RBFOX3: variants seen among roughly 807,000 people sequenced by gnomAD.
RBFOX3 encodes RNA binding fox-1 homolog 3, also known as RNA binding protein fox-1 homolog 3.
A neutral mutation model predicts 48.7 loss-of-function variants in RBFOX3; 17 were observed. The ratio of observed to expected loss-of-function variants is 0.35; its 90% CI spans 0.24 to 0.52. The LOEUF (loss-of-function observed/expected upper bound fraction) is 0.52, where lower values mean the gene tolerates loss of function less well. Ranked by LOEUF, RBFOX3 falls within the 20% of genes least tolerant of loss-of-function variation. The pLI is 0.94. For synonymous variants in RBFOX3, 212 were observed against 209.5 expected (o/e 1.01, Z -0.10); for missense variants, 382 against 497.5 (o/e 0.77, Z 2.21).
rs113213078 is a variant in RBFOX3, at chr17:79,216,996, G to A, written c.-34+18770C>T. Among the ~76,000 whole-genome samples the A allele has an allele frequency of 9.4e-3, 1,434 of 152,244 alleles. 10 individuals are homozygous for A. Among genetic ancestry groups the A allele is most frequent in the South Asian group, 0.024 (117 of 4,824 alleles). ...GGGGGTATCCCCAGGTGAAACATCC[G>A]AAGGCAGAGATACCCCCAAAGCAGG... On this transcript the variant is annotated intron_variant, in intron 4 of 14. Coordinates refer to ENST00000693108, the MANE Select transcript of RBFOX3 (RefSeq NM_001350451.2).
intron 2 of RBFOX3, among the ~76,000 whole-genome samples, chr17:79,476,359 GC>G (rs1275091067): frequency 1.3e-5 from 2 of 152,202 alleles, no homozygotes; most frequent in African/African-American, 4.8e-5. Flanking sequence ...AAAAATATTG[GC>G]CCGTTTTTCT....
At chr17:79,651,628 CTCTCTCTCTCTCTCTCTCTG>C in the RBFOX3 span, among the ~76,000 whole-genome samples, 1 of 127,048 alleles carries the variant, frequency 7.9e-6, no homozygotes, top group Non-Finnish European at 1.7e-5. Context: ...CCCCTTTCCT[CTCTCTCTCTCTCTCTCTCTG>C]TCTCTCTCTC....
At chr17:79,574,753 G>T (rs2092800670) in intron 1 of RBFOX3, among the ~76,000 whole-genome samples, 1 of 152,180 alleles carries the variant, frequency 6.6e-6, no homozygotes, top group Non-Finnish European at 1.5e-5. Context: ...AAAGAAAAAA[G>T]GCTTCACAGG....
In RBFOX3 at chr17:79,214,068, C is replaced by T. The variant is rs1339021216; in HGVS notation, c.-34+21698G>A. 6.6e-6 allele frequency among the ~76,000 whole-genome samples: 1 copy of T among 152,186 alleles called. No homozygotes were observed. Among genetic ancestry groups the T allele is most frequent in the Non-Finnish European group, 1.5e-5 (1 of 68,042 alleles). Reference sequence around the variant, plus strand: ...CCCGGTGAACTACAGCCAACCCTCGCATGGCGCCGCCCAGCTCTGGTAGGA... The same window carrying T: ...CCCGGTGAACTACAGCCAACCCTCGTATGGCGCCGCCCAGCTCTGGTAGGA... On this transcript the variant is annotated intron_variant, in intron 4 of 14. Coordinates refer to ENST00000693108, the MANE Select transcript of RBFOX3 (RefSeq NM_001350451.2). This position sits in a 1 kb window ranked among gnomAD's most constrained non-coding sequence, Gnocchi z 4.7.
intron 1 of RBFOX3, among the ~76,000 whole-genome samples, chr17:79,491,657 G>A (rs1346443041): frequency 1.3e-5 from 2 of 152,172 alleles, no homozygotes; most frequent in African/African-American, 4.8e-5. Flanking sequence ...TGAGGAGGAA[G>A]AAGTTGGGCT....
In RBFOX3 at chr17:79,254,964, A is replaced by C. The variant is rs1441817398; in HGVS notation, c.-73-19159T>G. 6.6e-6 allele frequency among the ~76,000 whole-genome samples: 1 copy of C among 152,128 alleles called. No individual in the cohort carries two copies. Among genetic ancestry groups the C allele is most frequent in the African/African-American group, 2.4e-5 (1 of 41,424 alleles). On this transcript the variant is annotated intron_variant, in intron 3 of 14. Coordinates refer to ENST00000693108, the MANE Select transcript of RBFOX3 (RefSeq NM_001350451.2). This position sits in a 1 kb window ranked among gnomAD's most constrained non-coding sequence, Gnocchi z 4.8. Reference sequence around the variant, plus strand: ...GCCTGGGGCAGGACTATGTGCCCTGAGCCCTCTATCCTGGGCAGGAACTGT... The same window carrying C: ...GCCTGGGGCAGGACTATGTGCCCTGCGCCCTCTATCCTGGGCAGGAACTGT...
the RBFOX3 span, among the ~76,000 whole-genome samples, chr17:79,621,534 G>A: frequency 2.6e-5 from 4 of 152,222 alleles, no homozygotes; most frequent in Non-Finnish European, 5.9e-5. Flanking sequence ...CATGTTGGTC[G>A]TTAGAGTTTG....
rs574109483 is a variant in RBFOX3 at position 79,150,906 on chromosome 17, C to T, written c.-33-35158G>A. 1.8e-4 allele frequency among the ~76,000 whole-genome samples: 27 copies of T among 152,304 alleles called. 1 individual carries two copies. The highest frequency in any genetic ancestry group is 6.0e-4 in the African/African-American group (25 of 41,574). On this transcript the variant is annotated intron_variant, in intron 4 of 14. Transcript: ENST00000693108. ...ACGAGGGCTTGCTCATGCCTAGCGC[C>T]GCCTGCGAGGGAGCCTCAGTTGGGC...
Position 79,249,430 on chromosome 17 carries a change from G to A in RBFOX3, c.-73-13625C>T, listed in dbSNP as rs1416985022. Among the ~76,000 whole-genome samples the A allele has an allele frequency of 6.6e-6, 1 of 152,044 alleles. No individual in the cohort carries two copies. Among genetic ancestry groups the A allele is most frequent in the Non-Finnish European group, 1.5e-5 (1 of 68,006 alleles). On this transcript the variant is annotated intron_variant, in intron 3 of 14. Coordinates refer to ENST00000693108, the MANE Select transcript of RBFOX3 (RefSeq NM_001350451.2). This position sits in a 1 kb window ranked among gnomAD's most constrained non-coding sequence, Gnocchi z 4.1. ...GACATCTGAAGCCTTGCTGGCCCTG[G>A]GGAGACGGCTCCTCCCAAAGTAGCA...
chr17:79,298,566 C>A (rs1020754949), intron 3 of RBFOX3: 1 of 152,264 alleles, frequency 6.6e-6, no homozygotes, highest in African/African-American at 2.4e-5. Context: ...CACCAGGTCG[C>A]CAAGTCCATG....
At chr17:79,315,650 G>A (rs532097763) in intron 2 of RBFOX3, among the ~76,000 whole-genome samples, 1 of 152,208 alleles carries the variant, frequency 6.6e-6, no homozygotes, top group African/African-American at 2.4e-5. Context: ...TCAAATTCCA[G>A]GTCATTACTC....
rs900731024 is a variant in RBFOX3, at chr17:79,481,915, C to T, written c.-175+539G>A. On this transcript the variant is annotated intron_variant, in intron 2 of 14. Transcript: ENST00000693108. This position sits in a 1 kb window ranked among gnomAD's most constrained non-coding sequence, Gnocchi z 5.4. Reference sequence around the variant, plus strand: ...TCGAAGTGAGAGCCATCTTACAGAGCACTTGGCCCAAACCCTGTGGAGTCT... The same window carrying T: ...TCGAAGTGAGAGCCATCTTACAGAGTACTTGGCCCAAACCCTGTGGAGTCT... 1.3e-5 allele frequency among the ~76,000 whole-genome samples: 2 copies of T among 152,262 alleles called. No homozygotes were observed. The highest frequency in any genetic ancestry group is 1.9e-4 in the East Asian group (1 of 5,178).
At chr17:79,467,079 G>A (rs1271917273) in intron 2 of RBFOX3, among the ~76,000 whole-genome samples, 3 of 152,278 alleles carry the variant, frequency 2.0e-5, no homozygotes, top group Admixed American at 1.3e-4. Context: ...GCACTGCCAC[G>A]GGCATGTGTT....
the RBFOX3 span, among the ~76,000 whole-genome samples, chr17:79,652,555 G>A: frequency 4.1e-4 from 1 of 2,432 alleles, no homozygotes; most frequent in East Asian, 0.014. Context: ...GAGAGAAAGA[G>A]AGGAAGGAAA....
intron 2 of RBFOX3, among the ~76,000 whole-genome samples, chr17:79,434,417 A>G (rs2069016265): frequency 6.6e-6 from 1 of 152,324 alleles, no homozygotes; most frequent in East Asian, 1.9e-4. Flanking sequence ...TGACTTACAC[A>G]TGATGAAGAC....
chr17:79,355,065 A>G (rs2084709346), intron 2 of RBFOX3, among the ~76,000 whole-genome samples: 1 of 152,170 alleles, frequency 6.6e-6, no homozygotes, highest in African/African-American at 2.4e-5. Context: ...ATAGCCCCAC[A>G]CGGGATCATT....
intron 2 of RBFOX3, among the ~76,000 whole-genome samples, chr17:79,426,254 T>C (rs981156998): frequency 6.6e-6 from 1 of 152,124 alleles, no homozygotes; most frequent in Non-Finnish European, 1.5e-5. Context: ...ACTTGTCCCA[T>C]GCAGGCAAGG....
intron 1 of RBFOX3, among the ~76,000 whole-genome samples, chr17:79,586,483 C>T (rs924537665): frequency 2.6e-5 from 4 of 152,314 alleles, no homozygotes; most frequent in African/African-American, 9.6e-5. Flanking sequence ...CAAGCTACAG[C>T]GTTTTGGGGC....
intron 3 of RBFOX3, among the ~76,000 whole-genome samples, chr17:79,280,170 C>CACACACGCACA (rs779617119): frequency 7.1e-6 from 1 of 141,142 alleles, no homozygotes; most frequent in Non-Finnish European, 1.6e-5. Flanking sequence ...CACGCACACA[C>CACACACGCACA]CACTCACACA....
Sources: allele counts gnomAD v4.1 joint callset (sites outside exome capture counted in the v4.1 genomes callset), GRCh38; gene constraint gnomAD v4.1.1; non-coding constraint Gnocchi (gnomAD v3.1); transcripts MANE v1.5; gene names NCBI Gene and HGNC (gene_info 2026-07-23, HGNC 2026-07-21).